Variants in PSMD5 observed in about 807,000 individuals in gnomAD.
PSMD5 encodes the protein proteasome 26S subunit, non-ATPase 5, also known as 26S proteasome non-ATPase regulatory subunit 5.
In PSMD5, 40 loss-of-function variants were observed where a neutral mutation model predicts 52.1. The ratio of observed to expected loss-of-function variants is 0.77; its 90% CI spans 0.60 to 1.00. PSMD5 has a LOEUF of 1.00. Among genes scored for constraint, PSMD5 ranks in the 50% least tolerant of loss-of-function variants. The probability of loss-of-function intolerance (pLI) is 0.00; values close to 1 mark genes in which losing one functional copy is unlikely to be tolerated. For missense variants in PSMD5, 575 were observed against 605.2 expected, an observed-to-expected ratio of 0.95 and a Z score of 0.52; for synonymous variants, 211 against 226.6, an observed-to-expected ratio of 0.93 and a Z score of 0.62.
intron 5 of PSMD5, among the ~76,000 whole-genome samples, chr9:120,827,509 A>C (rs981248624): frequency 2.6e-5 from 4 of 152,156 alleles, no homozygotes; most frequent in Non-Finnish European, 5.9e-5. Context: ...ATAACTAAAA[A>C]ATTTATTTAG....
rs1165882168 is a variant in PSMD5, at chr9:120,826,928, AAAC to A, written c.672-24_672-22del. On this transcript the variant is annotated intron_variant, in intron 5 of 9. Transcript: ENST00000210313. ...TGGCTCTAAAATGTCAGAAGGACAA[AAAC>A]AAGGAGATTTTGCACAGGATTTGCA... 1.9e-6 allele frequency: 3 copies of A among 1,600,506 alleles called. No homozygotes were observed. The African/African-American group carries it at 4.0e-5, about 22-fold the overall frequency.
At chr9:120,829,714 T>C (rs2045147063) in intron 4 of PSMD5, among the ~76,000 whole-genome samples, 1 of 152,154 alleles carries the variant, frequency 6.6e-6, no homozygotes. Context: ...ACAGAAATGT[T>C]CCATTATATC....
In PSMD5 at chr9:120,817,889, A is replaced by C. The variant is rs200262628; in HGVS notation, c.*17T>G. 769 of 1,603,180 alleles carry C rather than the reference A, an allele frequency of 4.8e-4. 3 individuals are homozygous for C. The highest frequency in any genetic ancestry group is 1.9e-4 in the Non-Finnish European group (221 of 1,171,890). ...TTTTGGTCAAAACGTGGTCCTCTAC[A>C]TGAGCTCTAGAAGAAATCATTCGGC... On this transcript the variant is annotated 3_prime_UTR_variant, in exon 10 of 10. Transcript: ENST00000210313.
At chr9:120,824,850 G>A (rs1181148294) in intron 6 of PSMD5, 165 bp from the exon 7 acceptor site, 5 of 577,538 alleles carry the variant, frequency 8.7e-6, no homozygotes, top group Non-Finnish European at 1.5e-5. Flanking sequence ...AGATTCTGAA[G>A]GACCTGTGAT....
intron 5 of PSMD5, 21 bp downstream of exon 5, chr9:120,829,078 T>C (rs1343193251): frequency 6.5e-7 from 1 of 1,538,808 alleles, no homozygotes; most frequent in Admixed American, 2.1e-5. Flanking sequence ...ATATTTCACT[T>C]TAAGAACTCA....
chr9:120,827,995 A>G (rs2045134332), intron 5 of PSMD5, among the ~76,000 whole-genome samples: 1 of 152,062 alleles, frequency 6.6e-6, no homozygotes, highest in Non-Finnish European at 1.5e-5. Flanking sequence ...AATTCTTACA[A>G]TATCTTTTTA....
At chr9:120,830,886 AATATAT>A (rs113275671) in intron 4 of PSMD5, among the ~76,000 whole-genome samples, 1 of 149,198 alleles carries the variant, frequency 6.7e-6, no homozygotes, top group African/African-American at 2.5e-5. Flanking sequence ...TTGCACTGTA[AATATAT>A]ATATATATAT....
intron 1 of PSMD5, among the ~76,000 whole-genome samples, chr9:120,839,208 A>C (rs543846237): frequency 6.6e-6 from 1 of 152,080 alleles, no homozygotes; most frequent in East Asian, 1.9e-4. Context: ...TGGTAGCTGG[A>C]GCAGATGAAA....
rs532808905 is a variant in PSMD5 at position 120,826,072 on chromosome 9, G to A, written c.814+693C>T. Among the ~76,000 whole-genome samples, 6 of 147,758 alleles carry A rather than the reference G, an allele frequency of 4.1e-5. No homozygotes were observed. The South Asian group carries it at 1.3e-3, about 32-fold the overall frequency. ...TGCAGTGGCGCGATCCTGGCTCACT[G>A]CAATCTCCACCTCCCAGGTTCAAAG... On this transcript the variant is annotated intron_variant, in intron 6 of 9. Transcript: ENST00000210313.
In PSMD5 at chr9:120,824,536, A is replaced by C; in HGVS notation, c.964T>G (p.Leu322Val). 6.2e-7 allele frequency: 1 copy of C among 1,614,152 alleles called. No homozygotes were observed. Among genetic ancestry groups the C allele is most frequent in the Non-Finnish European group, 8.5e-7 (1 of 1,180,026 alleles). The change falls in exon 7 of 10, where the codon TTG (leucine) becomes GTG (valine). Residue 322 changes from leucine (L) to valine (V), a missense_variant. By Grantham distance (32) the Leu-to-Val change is conservative. Coordinates refer to ENST00000210313, the MANE Select transcript of PSMD5 (RefSeq NM_005047.4). Reference protein sequence around the residue: ...IGVAVDTVGILGSNVEGKQVL... With the variant: ...IGVAVDTVGIVGSNVEGKQVL... ...TGTTTTCCTTCAACATTGGATCCCA[A>C]GATTCCAACTGTGTCTACAGCTACA...
chr9:120,837,471 C>G (rs2045206407), intron 1 of PSMD5, among the ~76,000 whole-genome samples: 1 of 152,234 alleles, frequency 6.6e-6, no homozygotes, highest in Non-Finnish European at 1.5e-5. Flanking sequence ...GCTGGGACCA[C>G]AGGCATGAGC....
chr9:120,841,303 G>GA (rs2045233487), intron 1 of PSMD5, among the ~76,000 whole-genome samples: 1 of 152,116 alleles, frequency 6.6e-6, no homozygotes, highest in Non-Finnish European at 1.5e-5. Flanking sequence ...AGATTGGCCG[G>GA]GCGCAGTGGC....
rs571869662 is a variant in PSMD5, at chr9:120,824,859, A to G, written c.815-174T>C. 5.5e-6 allele frequency: 3 copies of G among 542,576 alleles called. No homozygotes were observed. In the East Asian group the frequency reaches 9.0e-5, roughly 16 times the overall value. 33.6% of individuals were successfully genotyped at this position (542,576 alleles called of 1,614,324 possible). ...ATTAGGAGATTCTGAAGGACCTGTGATGTGTGATCCTGAGAGAGGGCGTCA... is the reference window on the plus strand; with the variant it reads ...ATTAGGAGATTCTGAAGGACCTGTGGTGTGTGATCCTGAGAGAGGGCGTCA... On this transcript the variant is annotated intron_variant, in intron 6 of 9. Transcript: ENST00000210313.
chr9:120,835,697 C>T lies in PSMD5; in HGVS notation c.174-2241G>A, dbSNP rs149757365. On this transcript the variant is annotated intron_variant, in intron 1 of 9. Transcript: ENST00000210313. The stretch of plus-strand genomic sequence containing the variant: ...TGAGTCGAGATAGCGCCATCGCACT[C>T]CAGCCTAGGCGACAAGAACGAAACT... Among the ~76,000 whole-genome samples, 802 of 151,848 alleles carry T rather than the reference C, an allele frequency of 5.3e-3. 6 individuals are homozygous for T. The highest frequency in any genetic ancestry group is 9.2e-3 in the Admixed American group (141 of 15,264).
chr9:120,830,378 C>T (rs1445371811), intron 4 of PSMD5, among the ~76,000 whole-genome samples: 1 of 152,142 alleles, frequency 6.6e-6, no homozygotes, highest in Non-Finnish European at 1.5e-5. Flanking sequence ...AGAAAGGTCT[C>T]AGTTGGAAGT....
intron 7 of PSMD5, among the ~76,000 whole-genome samples, chr9:120,823,353 C>T (rs534180984): frequency 1.2e-3 from 180 of 151,112 alleles, no homozygotes; most frequent in Non-Finnish European, 1.0e-4. Flanking sequence ...GGACTGCAGG[C>T]ATGCACCACC....
chr9:120,833,542 C>G, intron 1 of PSMD5, 86 bp from the exon 2 acceptor site: 1 of 1,386,774 alleles, frequency 7.2e-7, no homozygotes, highest in Admixed American at 2.1e-5. Flanking sequence ...CTTGCGTCAG[C>G]GTCTCCTCCA....
At chr9:120,825,451 A>T (rs560931006) in intron 6 of PSMD5, among the ~76,000 whole-genome samples, 1 of 152,276 alleles carries the variant, frequency 6.6e-6, no homozygotes, top group Admixed American at 6.5e-5. Flanking sequence ...CTTTCGTGAA[A>T]AATGTCATTA....
rs2045125715 is a variant in PSMD5, at chr9:120,826,835, T to C, written c.744A>G (p.Gly248=). Residue 248 remains glycine (G), a synonymous_variant, in exon 6 of 10, where the codon GGA becomes GGG. Coordinates refer to ENST00000210313, the MANE Select transcript of PSMD5 (RefSeq NM_005047.4). ...HHGRQYLAQE[G]VIDQISNIIV... is the part of the protein sequence containing the mutation. ...TTATATTAGAAATTTGGTCAATTAC[T>C]CCTTCTTGAGCAAGATATTGTCGCC... 3 of 1,613,228 alleles carry C rather than the reference T, an allele frequency of 1.9e-6. No homozygotes were observed. Among genetic ancestry groups the C allele is most frequent in the Non-Finnish European group, 2.5e-6 (3 of 1,179,190 alleles).
Sources: gnomAD v4.1 joint callset for allele counts (sites outside exome capture counted in the v4.1 genomes callset) on GRCh38, gnomAD v4.1.1 for gene constraint, MANE v1.5 for transcripts, NCBI Gene and HGNC (gene_info 2026-07-23, HGNC 2026-07-21) for gene names.